Variants in ANO1 observed in about 807,000 individuals in gnomAD.
ANO1 encodes the protein anoctamin-1.
A neutral mutation model predicts 124.0 loss-of-function variants in ANO1; 59 were observed. The ratio of observed to expected loss-of-function variants is 0.48; its 90% CI spans 0.39 to 0.59. The LOEUF (loss-of-function observed/expected upper bound fraction) is 0.59. Ranked by LOEUF, ANO1 falls within the 20% of genes least tolerant of loss-of-function variation. ANO1 has a pLI of 0.00. For synonymous variants in ANO1, 529 were observed against 532.0 expected (o/e 0.99, Z 0.08); for missense variants, 1,059 against 1,328.0 (o/e 0.80, Z 3.15).
intron 1 of ANO1, among the ~76,000 whole-genome samples, chr11:70,061,861 G>C (rs1258815227): frequency 2.0e-5 from 3 of 152,058 alleles, no homozygotes. Flanking sequence ...ACCAATTAGG[G>C]GAGGGTCTCT....
intron 2 of ANO1, among the ~76,000 whole-genome samples, chr11:70,095,427 A>AAAGAAAGAAAGAAAG (rs10667749): frequency 3.3e-5 from 1 of 30,660 alleles, no homozygotes; most frequent in Non-Finnish European, 7.6e-5. Context: ...AGAAAGAAAG[A>AAAGAAAGAAAGAAAG]AAAGAAAAGA....
In ANO1 at chr11:70,019,926, G is replaced by A. The variant is rs752998002; in HGVS notation, c.58+33760G>A. On this transcript the variant is annotated intron_variant, in intron 1 of 27. Transcript: ENST00000531349. ...CCAGCCAGCCCCAGGCTGAGGCCTC[G>A]GAGTGGGAAGGGGGCCGAGGGCCCC... 2.0e-4 allele frequency among the ~76,000 whole-genome samples: 30 copies of A among 152,350 alleles called. 1 individual carries two copies. In the Middle Eastern group the frequency reaches 0.014, roughly 69 times the overall value.
intron 1 of ANO1, among the ~76,000 whole-genome samples, chr11:70,041,553 T>A (rs1369576381): frequency 6.6e-6 from 1 of 152,234 alleles, no homozygotes; most frequent in Non-Finnish European, 1.5e-5. Context: ...AGAACTAAAC[T>A]GACTTTCATG....
At chr11:70,157,834 A>C (rs1161369402) in intron 16 of ANO1, among the ~76,000 whole-genome samples, 2 of 152,046 alleles carry the variant, frequency 1.3e-5, no homozygotes, top group Non-Finnish European at 2.9e-5. Context: ...TACAAAAATT[A>C]GCTGGCGTGG....
At chr11:70,170,846 T>A in intron 21 of ANO1, 41 bp from the exon 22 acceptor site, 1 of 1,600,588 alleles carries the variant, frequency 6.2e-7, no homozygotes, top group Non-Finnish European at 8.5e-7. Flanking sequence ...TTATGGGCTG[T>A]GGCTCACGGG....
chr11:69,996,927 C>T (rs1003409925), intron 1 of ANO1, among the ~76,000 whole-genome samples: 1 of 152,178 alleles, frequency 6.6e-6, no homozygotes, highest in Non-Finnish European at 1.5e-5. Context: ...GGAAAATGCA[C>T]AGGTCACCTG....
At chr11:69,993,059 G>T (rs1209672902) in intron 1 of ANO1, among the ~76,000 whole-genome samples, 1 of 152,152 alleles carries the variant, frequency 6.6e-6, no homozygotes, top group African/African-American at 2.4e-5. Context: ...CTTTTGCCAT[G>T]ATTCGTCTGG....
chr11:70,163,153 G>A lies in ANO1; in HGVS notation c.1893-130G>A. 4.4e-6 allele frequency: 4 copies of A among 905,450 alleles called. No individual in the cohort carries two copies. In the South Asian group the frequency reaches 6.9e-5, roughly 16 times the overall value. 56.1% of individuals were successfully genotyped at this position (905,450 alleles called of 1,614,324 possible). On this transcript the variant is annotated intron_variant, in intron 18 of 25. Coordinates refer to ENST00000355303, the MANE Select transcript of ANO1 (RefSeq NM_018043.7). The stretch of plus-strand genomic sequence containing the variant: ...TTTTAGCAGATGCACCAGGCAGGGA[G>A]AGCCGCCTGTAGATACCCTCGAGGC...
chr11:70,085,375 A>G, intron 1 of ANO1: 1 of 1,441,440 alleles, frequency 6.9e-7, no homozygotes, highest in Non-Finnish European at 9.1e-7. Flanking sequence ...GCCCCTAAGC[A>G]CCCTCAGACT....
rs535893317 is a variant in ANO1, at chr11:70,060,881, G to A, written c.59-17661G>A. Among the ~76,000 whole-genome samples, 16 of 152,262 alleles carry A rather than the reference G, an allele frequency of 1.1e-4. No homozygotes were observed. The South Asian group carries it at 3.3e-3, about 32-fold the overall frequency. On this transcript the variant is annotated intron_variant, in intron 1 of 27. Transcript: ENST00000531349. ...GACGAGTCAGGGAGTGCTAGTGTGGGAGTTGTCTCCAGGGCCTTTCTGAGA... is the reference window on the plus strand; with the variant it reads ...GACGAGTCAGGGAGTGCTAGTGTGGAAGTTGTCTCCAGGGCCTTTCTGAGA...
Position 70,078,593 on chromosome 11 carries a change from C to T in ANO1, c.-14C>T. ...GGCGCGCCGCCCGGCGGTCCCAGCG[C>T]ACAGGCGGCCACGATGAGGGTCAAC... On this transcript the variant is annotated 5_prime_UTR_variant, in exon 1 of 26. Transcript: ENST00000355303. 2 of 1,465,266 alleles carry T rather than the reference C, an allele frequency of 1.4e-6. No individual in the cohort carries two copies. Among genetic ancestry groups the T allele is most frequent in the Non-Finnish European group, 1.8e-6 (2 of 1,096,304 alleles). 90.8% of individuals were successfully genotyped at this position (1,465,266 alleles called of 1,614,324 possible).
At chr11:70,024,799 G>A (rs1856863352) in intron 1 of ANO1, among the ~76,000 whole-genome samples, 1 of 151,698 alleles carries the variant, frequency 6.6e-6, no homozygotes, top group African/African-American at 2.4e-5. Context: ...CACCGCCCGA[G>A]CTGCCTCCCC....
At chr11:70,174,110 G>C (rs529325650) in intron 22 of ANO1, among the ~76,000 whole-genome samples, 1 of 150,484 alleles carries the variant, frequency 6.6e-6, no homozygotes, top group South Asian at 2.1e-4. Flanking sequence ...TGATTTTTTT[G>C]TATTTTTTTA....
intron 1 of ANO1, among the ~76,000 whole-genome samples, chr11:70,046,376 G>T (rs147429426): frequency 6.6e-6 from 1 of 152,252 alleles, no homozygotes; most frequent in Non-Finnish European, 1.5e-5. Flanking sequence ...TAACATACCT[G>T]CAGCTCTGAG....
chr11:70,108,525 C>T, intron 6 of ANO1, 121 bp downstream of exon 6: 1 of 1,125,718 alleles, frequency 8.9e-7, no homozygotes, highest in South Asian at 1.4e-5. Context: ...TTGATTTAAG[C>T]CTGTGTAACA....
In ANO1 at chr11:70,167,246, A is replaced by T. The variant is rs1205420645; in HGVS notation, c.2056A>T (p.Met686Leu). The T allele has an allele frequency of 6.8e-6, 11 of 1,613,958 alleles. No homozygotes were observed. In the East Asian group the frequency reaches 2.5e-4, roughly 36 times the overall value. Residue 686 changes from methionine to leucine, a missense_variant, in exon 21 of 26, where the codon ATG becomes TTG. Physicochemically the swap from Met to Leu is conservative, Grantham distance 15. Coordinates refer to ENST00000355303, the MANE Select transcript of ANO1 (RefSeq NM_018043.7). ...GCATGATGTCTCATCTCTCAGGAAG[A>T]TGAAGAAGCTCATCCGCTACCTGAA... ...NNLFEIGIPK[M>L]KKLIRYLKLK...
At chr11:70,138,531 G>GAAAA (rs1471677724) in intron 11 of ANO1, among the ~76,000 whole-genome samples, 2 of 150,444 alleles carry the variant, frequency 1.3e-5, no homozygotes, top group Non-Finnish European at 3.0e-5. Flanking sequence ...GAAAAGAAAA[G>GAAAA]AATCACAGCT....
In ANO1 at chr11:70,115,059, A is replaced by G. The variant is rs78766293; in HGVS notation, c.856-1399A>G. On this transcript the variant is annotated intron_variant, in intron 7 of 25. Coordinates refer to ENST00000355303, the MANE Select transcript of ANO1 (RefSeq NM_018043.7). ...GATCGCGTGGCTGTCTCATCCATGG[A>G]AAGAAACTGGGAAACACTAAAAGGA... Among the ~76,000 whole-genome samples, 207 of 152,270 alleles carry G rather than the reference A, an allele frequency of 1.4e-3. 8 individuals are homozygous for G. The East Asian group carries it at 0.031, about 23-fold the overall frequency.
At chr11:70,132,864 G>T (rs558421675) in intron 11 of ANO1, among the ~76,000 whole-genome samples, 1 of 152,222 alleles carries the variant, frequency 6.6e-6, no homozygotes, top group African/African-American at 2.4e-5. Context: ...GCCCCACGCC[G>T]GGCACTTAAG....
Sources: gnomAD v4.1 joint callset for allele counts (sites outside exome capture counted in the v4.1 genomes callset) on GRCh38, gnomAD v4.1.1 for gene constraint, MANE v1.5 for transcripts, NCBI Gene and HGNC (gene_info 2026-07-23, HGNC 2026-07-21) for gene names.